UBE2E3: variants seen among roughly 807,000 people sequenced by gnomAD.
UBE2E3 encodes the protein ubiquitin-conjugating enzyme E2 E3.
A neutral mutation model predicts 23.6 loss-of-function variants in UBE2E3; 5 were observed. The ratio of observed to expected loss-of-function variants is 0.21; its 90% CI spans 0.11 to 0.44. The LOEUF is 0.44. UBE2E3 is among the 20% of genes least tolerant of loss of function. UBE2E3 has a pLI of 0.99. For synonymous variants in UBE2E3, 78 were observed against 87.5 expected, an observed-to-expected ratio of 0.89 and a Z score of 0.60; for missense variants, 81 against 249.8, an observed-to-expected ratio of 0.32 and a Z score of 4.55.
At chr2:181,003,598 A>G (rs1329116479) in intron 3 of UBE2E3, among the ~76,000 whole-genome samples, 1 of 152,214 alleles carries the variant, frequency 6.6e-6, no homozygotes, top group Non-Finnish European at 1.5e-5. Context: ...GTCATAAGTC[A>G]GTTTGCTGGT....
At chr2:181,019,238 G>A (rs1685599275) in intron 3 of UBE2E3, among the ~76,000 whole-genome samples, 1 of 152,174 alleles carries the variant, frequency 6.6e-6, no homozygotes, top group Non-Finnish European at 1.5e-5. Context: ...GGGATTACAG[G>A]TGTGAACCGC....
chr2:181,006,074 C>T (rs867926902), intron 3 of UBE2E3, among the ~76,000 whole-genome samples: 1 of 152,170 alleles, frequency 6.6e-6, no homozygotes, highest in South Asian at 2.1e-4. Flanking sequence ...AAGCCTAGTC[C>T]TTCTGAAGAA....
chr2:181,028,659 A>G (rs952686106), intron 3 of UBE2E3, among the ~76,000 whole-genome samples: 10 of 151,944 alleles, frequency 6.6e-5, no homozygotes, highest in Admixed American at 6.6e-5. Flanking sequence ...AGGTTGAACA[A>G]TTTTTTTATG....
At chr2:181,048,428 A>G (rs1264303593) in intron 3 of UBE2E3, among the ~76,000 whole-genome samples, 3 of 152,124 alleles carry the variant, frequency 2.0e-5, no homozygotes, top group African/African-American at 7.2e-5. Context: ...TTTTTGATTC[A>G]AAGTAAATTC....
chr2:181,045,328 T>C (rs977469329), intron 3 of UBE2E3, among the ~76,000 whole-genome samples: 3 of 152,208 alleles, frequency 2.0e-5, no homozygotes, highest in African/African-American at 7.2e-5. Flanking sequence ...CCAGCAAAGC[T>C]GCATTACCTC....
intron 3 of UBE2E3, among the ~76,000 whole-genome samples, chr2:181,057,459 G>T (rs565634482): frequency 1.6e-4 from 24 of 151,842 alleles, no homozygotes; most frequent in African/African-American, 5.8e-4. Context: ...ACTGGGTAAA[G>T]TTATACCAAT....
intron 3 of UBE2E3, among the ~76,000 whole-genome samples, chr2:181,013,004 A>G (rs1685381262): frequency 6.6e-6 from 1 of 151,874 alleles, no homozygotes; most frequent in Non-Finnish European, 1.5e-5. Flanking sequence ...TAATTTTTTT[A>G]TTTTTTACAT....
intron 3 of UBE2E3, among the ~76,000 whole-genome samples, chr2:181,051,117 C>G (rs1686833906): frequency 6.6e-6 from 1 of 151,772 alleles, no homozygotes; most frequent in Non-Finnish European, 1.5e-5. Flanking sequence ...TTCATACTTT[C>G]ACGGTGTATG....
intron 3 of UBE2E3, among the ~76,000 whole-genome samples, chr2:181,031,131 T>C (rs1353100410): frequency 6.6e-6 from 1 of 152,186 alleles, no homozygotes; most frequent in East Asian, 1.9e-4. Context: ...ATACTATTTT[T>C]TTAAAAAATT....
chr2:180,992,894 C>G (rs1415189869), intron 3 of UBE2E3, among the ~76,000 whole-genome samples: 1 of 152,032 alleles, frequency 6.6e-6, no homozygotes, highest in Non-Finnish European at 1.5e-5. Flanking sequence ...TTTGCTTTTT[C>G]CAGTGAGTCT....
intron 3 of UBE2E3, among the ~76,000 whole-genome samples, chr2:181,010,596 T>A (rs568958654): frequency 3.8e-4 from 58 of 152,294 alleles, no homozygotes; most frequent in African/African-American, 1.3e-3. Context: ...CAGGTAGATA[T>A]AAAAGGAAAA....
chr2:180,981,835 A>G lies in UBE2E3; in HGVS notation c.-25-183A>G, dbSNP rs1029758080. Among the ~76,000 whole-genome samples, 7 of 152,224 alleles carry G rather than the reference A, an allele frequency of 4.6e-5. No homozygotes were observed. The East Asian group carries it at 1.4e-3, about 29-fold the overall frequency. ...CTAACTTGAGTTCGGCAAATCCCTT[A>G]ACGCTGGCGTTGTGTGACACATCAC... is the stretch of plus-strand genomic sequence containing the variant. On this transcript the variant is annotated intron_variant, in intron 1 of 5. Coordinates refer to ENST00000410062, the MANE Select transcript of UBE2E3 (RefSeq NM_006357.4).
At chr2:181,055,600 G>A (rs1462428613) in intron 3 of UBE2E3, among the ~76,000 whole-genome samples, 2 of 151,752 alleles carry the variant, frequency 1.3e-5, no homozygotes, top group African/African-American at 2.4e-5. Context: ...GTACAGCAAA[G>A]TAATCATACT....
At chr2:181,015,356 A>G (rs959063588) in intron 3 of UBE2E3, among the ~76,000 whole-genome samples, 1 of 151,916 alleles carries the variant, frequency 6.6e-6, no homozygotes, top group Non-Finnish European at 1.5e-5. Flanking sequence ...GGTGACTTGC[A>G]TTTTTTTTAT....
intron 3 of UBE2E3, among the ~76,000 whole-genome samples, chr2:181,050,984 T>A (rs1686830232): frequency 6.6e-6 from 1 of 151,840 alleles, no homozygotes; most frequent in Admixed American, 6.6e-5. Context: ...AACATTTTTT[T>A]AAAGGAAATA....
At chr2:181,038,371 G>T (rs1465572748) in intron 3 of UBE2E3, among the ~76,000 whole-genome samples, 1 of 152,096 alleles carries the variant, frequency 6.6e-6, no homozygotes, top group Non-Finnish European at 1.5e-5. Context: ...GTGTAAATAC[G>T]CTATGATGTT....
At chr2:180,992,552 T>C (rs182023105) in intron 3 of UBE2E3, among the ~76,000 whole-genome samples, 312 of 152,352 alleles carry the variant, frequency 2.0e-3, no homozygotes, top group African/African-American at 7.2e-3. Context: ...TGTTGACTTA[T>C]ATCTGTGTAT....
intron 3 of UBE2E3, among the ~76,000 whole-genome samples, chr2:181,013,314 A>G (rs577430660): frequency 7.2e-4 from 109 of 152,282 alleles, no homozygotes; most frequent in Non-Finnish European, 1.1e-3. Context: ...GGAGAGGAGT[A>G]GCTGCTAGCT....
At chr2:181,021,586 TCCTTCCTCCCTC>T (rs1574190849) in intron 3 of UBE2E3, among the ~76,000 whole-genome samples, 4 of 57,750 alleles carry the variant, frequency 6.9e-5, no homozygotes, top group African/African-American at 2.4e-4. Context: ...CTCCCTCCCT[TCCTTCCTCCCTC>T]CCTTCCTTCC....
Sources: gnomAD v4.1 joint callset for allele counts (sites outside exome capture counted in the v4.1 genomes callset) on GRCh38, gnomAD v4.1.1 for gene constraint, MANE v1.5 for transcripts, NCBI Gene and HGNC (gene_info 2026-07-23, HGNC 2026-07-21) for gene names.